PLCL1: variants seen among roughly 807,000 people sequenced by gnomAD.
PLCL1 encodes the protein inactive phospholipase C-like protein 1.
PLCL1 carries 41 observed loss-of-function variants against 84.4 expected under a neutral mutation model. The ratio of observed to expected loss-of-function variants is 0.49; its 90% confidence interval spans 0.38 to 0.63. The LOEUF (loss-of-function observed/expected upper bound fraction) is 0.63. Among genes scored for constraint, PLCL1 ranks in the 30% least tolerant of loss-of-function variants. The probability of loss-of-function intolerance (pLI) is 0.00; values close to 1 mark genes in which losing one functional copy is unlikely to be tolerated. For synonymous variants in PLCL1, 490 were observed against 488.3 expected (o/e 1.00, Z -0.05); for missense variants, 1,206 against 1,367.8 (o/e 0.88, Z 1.87).
At chr2:198,133,536 A>C (rs897278687) in intron 5 of PLCL1, among the ~76,000 whole-genome samples, 1 of 151,678 alleles carries the variant, frequency 6.6e-6, no homozygotes, top group Non-Finnish European at 1.5e-5. Context: ...TAAAAAAAAA[A>C]AACTTCCAAG....
chr2:197,961,300 G>T (rs1288960589), intron 1 of PLCL1, among the ~76,000 whole-genome samples: 2 of 149,736 alleles, frequency 1.3e-5, no homozygotes, highest in African/African-American at 4.9e-5. Flanking sequence ...TCTAACATTA[G>T]ATTTTTTGCT....
At chr2:198,026,012 T>G (rs895062475) in intron 1 of PLCL1, among the ~76,000 whole-genome samples, 2 of 152,202 alleles carry the variant, frequency 1.3e-5, no homozygotes, top group African/African-American at 4.8e-5. Context: ...AGGTTTAGTT[T>G]TAAGGCTGGC....
In PLCL1 at chr2:197,894,501, C is replaced by A. The variant is rs192088728; in HGVS notation, c.240+89162C>A. Reference sequence around the variant, plus strand: ...AAGGGGTGCTGGATTCTTAATAGTTCTTTGTCAGTATAACTAGCTCATTTT... The same window carrying A: ...AAGGGGTGCTGGATTCTTAATAGTTATTTGTCAGTATAACTAGCTCATTTT... On this transcript the variant is annotated intron_variant, in intron 1 of 5. Coordinates refer to ENST00000428675, the MANE Select transcript of PLCL1 (RefSeq NM_006226.4). Among the ~76,000 whole-genome samples the A allele has an allele frequency of 1.1e-3, 172 of 152,030 alleles. 2 individuals carry two copies. The highest frequency in any genetic ancestry group is 3.9e-3 in the African/African-American group (161 of 41,508).
At chr2:197,949,897 G>C (rs1689356164) in intron 1 of PLCL1, among the ~76,000 whole-genome samples, 1 of 152,152 alleles carries the variant, frequency 6.6e-6, no homozygotes, top group South Asian at 2.1e-4. Context: ...ACTCAAGAAA[G>C]TCTGAGCTTC....
chr2:197,826,770 A>T (rs909951728), intron 1 of PLCL1, among the ~76,000 whole-genome samples: 1 of 152,186 alleles, frequency 6.6e-6, no homozygotes, highest in Admixed American at 6.6e-5. Flanking sequence ...ACAGAAGTAT[A>T]GTATAGAGCT....
chr2:197,929,892 T>C lies in PLCL1; in HGVS notation c.240+124553T>C, dbSNP rs1458238651. ...AGAGAAAAAGAAAACAAAAATAACA[T>C]ACTTAATTTCAATTTATTTATTGAA... is the stretch of plus-strand genomic sequence containing the variant. On this transcript the variant is annotated intron_variant, in intron 1 of 5. Coordinates refer to ENST00000428675, the MANE Select transcript of PLCL1 (RefSeq NM_006226.4). 1.3e-5 allele frequency among the ~76,000 whole-genome samples: 2 copies of C among 152,180 alleles called. 1 individual carries two copies. The highest frequency in any genetic ancestry group is 2.9e-5 in the Non-Finnish European group (2 of 68,044).
chr2:197,916,463 T>C (rs770047690), intron 1 of PLCL1, among the ~76,000 whole-genome samples: 3 of 152,160 alleles, frequency 2.0e-5, no homozygotes, highest in East Asian at 1.9e-4. Flanking sequence ...GAGATACTGA[T>C]AGTATTTACA....
intron 1 of PLCL1, among the ~76,000 whole-genome samples, chr2:197,891,404 A>G (rs533358870): frequency 1.3e-5 from 2 of 152,148 alleles, no homozygotes; most frequent in Non-Finnish European, 1.5e-5. Flanking sequence ...CCCAGAGAGC[A>G]TGATTCAGAA....
At position 197,866,089 on chromosome 2, in the gene PLCL1, A is replaced by C. The variant is rs1187708554; in HGVS notation, c.240+60750A>C. On this transcript the variant is annotated intron_variant, in intron 1 of 5. Transcript: ENST00000428675. ...CACACTATATATATATATATATATAAACTATATATATATATAAACTATATA... is the reference window on the plus strand; with the variant it reads ...CACACTATATATATATATATATATACACTATATATATATATAAACTATATA... Among the ~76,000 whole-genome samples, 261 of 58,528 alleles carry C rather than the reference A, an allele frequency of 4.5e-3. 78 individuals carry two copies. The highest frequency in any genetic ancestry group is 5.9e-3 in the Non-Finnish European group (190 of 32,112). The allele number at this position is 58,528 out of a possible 152,430, so 38.4% of individuals were successfully genotyped here. A position where few individuals can be genotyped will look rare whatever the true frequency, so the allele number is the denominator to read the frequency against.
At chr2:197,934,617 C>T (rs1446754052) in intron 1 of PLCL1, among the ~76,000 whole-genome samples, 4 of 151,198 alleles carry the variant, frequency 2.6e-5, no homozygotes, top group Admixed American at 6.6e-5. Flanking sequence ...TTTTTTTCTT[C>T]GTTAGGAAAG....
At chr2:198,128,730 C>G (rs114085014) in intron 5 of PLCL1, among the ~76,000 whole-genome samples, 1 of 152,202 alleles carries the variant, frequency 6.6e-6, no homozygotes, top group African/African-American at 2.4e-5. Context: ...TGTTAGTAGT[C>G]AAGAAGGAGG....
rs1171439206 is a variant in PLCL1, at chr2:198,037,993, G to C, written c.241-45765G>C. On this transcript the variant is annotated intron_variant, in intron 1 of 5. Transcript: ENST00000428675. ...GAAATGTATCATTTTTCAAGAAAGA[G>C]TTCAAGCAGAGAACTTGAATTAGTG... Among the ~76,000 whole-genome samples the C allele has an allele frequency of 2.0e-5, 3 of 152,272 alleles. No homozygotes were observed. The East Asian group carries it at 5.8e-4, about 29-fold the overall frequency.
intron 5 of PLCL1, among the ~76,000 whole-genome samples, chr2:198,139,253 G>A (rs557410250): frequency 6.7e-4 from 102 of 152,262 alleles, no homozygotes; most frequent in African/African-American, 2.3e-3. Flanking sequence ...TCCACAGTGA[G>A]GGTTTGTATT....
chr2:198,110,190 A>G (rs1035138351), intron 5 of PLCL1, among the ~76,000 whole-genome samples: 5 of 151,874 alleles, frequency 3.3e-5, no homozygotes, highest in African/African-American at 1.2e-4. Flanking sequence ...AATTTAATGC[A>G]TTCCAATGTG....
At chr2:197,978,759 C>T (rs996498454) in intron 1 of PLCL1, among the ~76,000 whole-genome samples, 1 of 152,216 alleles carries the variant, frequency 6.6e-6, no homozygotes, top group African/African-American at 2.4e-5. Context: ...TGGCCAGGAG[C>T]CATTCCCTCC....
intron 1 of PLCL1, among the ~76,000 whole-genome samples, chr2:197,916,024 G>A (rs1688592942): frequency 6.6e-6 from 1 of 152,208 alleles, no homozygotes; most frequent in Non-Finnish European, 1.5e-5. Context: ...GGTCATATTA[G>A]TGCTGCAACT....
intron 5 of PLCL1, among the ~76,000 whole-genome samples, chr2:198,142,711 C>T (rs1034796804): frequency 1.3e-5 from 2 of 151,966 alleles, no homozygotes; most frequent in African/African-American, 4.8e-5. Flanking sequence ...CTTGGGACTT[C>T]TATTAGTCTT....
chr2:197,854,107 A>T (rs1397583529), intron 1 of PLCL1, among the ~76,000 whole-genome samples: 1 of 152,136 alleles, frequency 6.6e-6, no homozygotes, highest in African/African-American at 2.4e-5. Flanking sequence ...GTGAGTTCAG[A>T]GGTTCCGTGA....
chr2:197,962,991 G>T (rs961485288), intron 1 of PLCL1, among the ~76,000 whole-genome samples: 1 of 152,056 alleles, frequency 6.6e-6, no homozygotes, highest in Non-Finnish European at 1.5e-5. Context: ...GGACACTTAT[G>T]TTGTTTCCAA....
Sources: gnomAD v4.1 joint callset for allele counts (sites outside exome capture counted in the v4.1 genomes callset) on GRCh38, gnomAD v4.1.1 for gene constraint, MANE v1.5 for transcripts, NCBI Gene and HGNC (gene_info 2026-07-23, HGNC 2026-07-21) for gene names.